The following CAVIN1 variants were observed in gnomAD, a reference collection of about 807,000 sequenced individuals.
The protein encoded by CAVIN1 is caveolae-associated protein 1.
CAVIN1 carries 16 observed loss-of-function variants against 24.0 expected under a neutral mutation model. The observed-to-expected ratio is 0.67, with a 90% CI of 0.45 to 1.01. The LOEUF (loss-of-function observed/expected upper bound fraction) is 1.01, where lower values mean the gene tolerates loss of function less well. Ranked by LOEUF, CAVIN1 falls within the 50% of genes least tolerant of loss-of-function variation. The pLI, the probability that CAVIN1 is intolerant of heterozygous loss-of-function variation, is 0.00. For synonymous variants in CAVIN1, 256 were observed against 256.4 expected, an observed-to-expected ratio of 1.00 and a Z score of 0.02; for missense variants, 510 against 551.7, an observed-to-expected ratio of 0.92 and a Z score of 0.76.
At chr17:42,421,964 G>A (rs942349307) in intron 1 of CAVIN1, among the ~76,000 whole-genome samples, 2 of 152,190 alleles carry the variant, frequency 1.3e-5, no homozygotes, top group African/African-American at 4.8e-5. Context: ...CGCGGGTGAG[G>A]GTGTCCTCAA....
At chr17:42,410,513 A>G (rs922171392) in intron 1 of CAVIN1, among the ~76,000 whole-genome samples, 2 of 152,166 alleles carry the variant, frequency 1.3e-5, no homozygotes, top group African/African-American at 4.8e-5. Flanking sequence ...GGGGACTTAG[A>G]TATCACAATG....
At chr17:42,420,051 A>G (rs1204409310) in intron 1 of CAVIN1, among the ~76,000 whole-genome samples, 2 of 151,670 alleles carry the variant, frequency 1.3e-5, no homozygotes, top group Non-Finnish European at 2.9e-5. Context: ...CCATCCCACA[A>G]CGGGGGCCTT....
intron 1 of CAVIN1, among the ~76,000 whole-genome samples, chr17:42,410,805 G>C (rs985014615): frequency 6.9e-6 from 1 of 145,338 alleles, no homozygotes; most frequent in African/African-American, 2.5e-5. Flanking sequence ...CCAGCTACTC[G>C]GGAGGCTGAA....
rs765853230 is a variant in CAVIN1 at position 42,404,854 on chromosome 17, G to T, written c.1006C>A (p.Leu336Ile). Residue 336 changes from leucine (L) to isoleucine (I), a missense_variant, in exon 2 of 2, where the codon CTC (leucine) becomes ATC (isoleucine). Leu to Ile is a conservative substitution (Grantham distance 5). Transcript: ENST00000357037. ...KKIREGQVEV[L>I]KATEMVEVGA... is the part of the protein sequence containing the mutation. Reference sequence around the variant, plus strand: ...ACCTCCACCATCTCGGTGGCCTTGAGCACTTCCACCTGGCCCTCGCGGATC... The same window carrying T: ...ACCTCCACCATCTCGGTGGCCTTGATCACTTCCACCTGGCCCTCGCGGATC... 1 of 1,613,100 alleles carries T rather than the reference G, an allele frequency of 6.2e-7. No homozygotes were observed. The highest frequency in any genetic ancestry group is 1.1e-5 in the South Asian group (1 of 90,994).
At chr17:42,406,872 A>G (rs978430373) in intron 1 of CAVIN1, among the ~76,000 whole-genome samples, 4 of 152,074 alleles carry the variant, frequency 2.6e-5, no homozygotes, top group African/African-American at 9.7e-5. Flanking sequence ...CAGTCTGGAC[A>G]TTTCTTCTGG....
At chr17:42,406,524 G>A (rs889800139) in intron 1 of CAVIN1, among the ~76,000 whole-genome samples, 2 of 152,016 alleles carry the variant, frequency 1.3e-5, no homozygotes, top group Non-Finnish European at 2.9e-5. Flanking sequence ...GCAGGCATGC[G>A]CCACCACACC....
rs185570905 is a variant in CAVIN1 at position 42,412,203 on chromosome 17, G to A, written c.472-6815C>T. 7.4e-4 allele frequency: 732 copies of A among 985,144 alleles called. 5 individuals are homozygous for A. The African/African-American group carries it at 0.011, about 15-fold the overall frequency. The allele number at this position is 985,144 out of a possible 1,614,324, so 61.0% of individuals were successfully genotyped here. On this transcript the variant is annotated intron_variant, in intron 1 of 1. Coordinates refer to ENST00000357037, the MANE Select transcript of CAVIN1 (RefSeq NM_012232.6). ...CAGTCTCAGGCAGGTCAAAAGGCAC[G>A]ATCTTGGGTGTGGCCAGGTCAGAGG...
intron 1 of CAVIN1, among the ~76,000 whole-genome samples, chr17:42,420,954 CT>C (rs1371629425): frequency 1.3e-5 from 2 of 152,148 alleles, no homozygotes; most frequent in East Asian, 3.9e-4. Context: ...GTCCCCAGTA[CT>C]AAGCAGGTCT....
chr17:42,418,388 C>T (rs1006657768), intron 1 of CAVIN1, among the ~76,000 whole-genome samples: 6 of 152,044 alleles, frequency 3.9e-5, no homozygotes, highest in Admixed American at 1.3e-4. Context: ...TGTGCAACCA[C>T]GCCTGGCTAA....
intron 1 of CAVIN1, among the ~76,000 whole-genome samples, chr17:42,405,682 G>GTTTTTTTTT (rs531661585): frequency 1.0e-4 from 6 of 57,828 alleles, no homozygotes; most frequent in Admixed American, 2.4e-4. Flanking sequence ...CTCTCTCCTT[G>GTTTTTTTTT]TTTTTTTTTT....
At chr17:42,419,662 C>G (rs1007256182) in intron 1 of CAVIN1, among the ~76,000 whole-genome samples, 7 of 152,140 alleles carry the variant, frequency 4.6e-5, no homozygotes, top group African/African-American at 1.4e-4. Flanking sequence ...CTGGCCTGAT[C>G]GTCCTGCAAC....
chr17:42,402,730 C>G lies in CAVIN1; in HGVS notation c.*1957G>C, dbSNP rs988817606. 1 of 152,006 alleles carries G rather than the reference C, an allele frequency of 6.6e-6. No homozygotes were observed. The highest frequency in any genetic ancestry group is 2.4e-5 in the African/African-American group (1 of 41,334). 9.4% of individuals were successfully genotyped at this position (152,006 alleles called of 1,614,324 possible). On this transcript the variant is annotated 3_prime_UTR_variant, in exon 2 of 2. Transcript: ENST00000357037. ...GTTTGTGTCCCCAGGCTCCCTCCCC[C>G]AATCCCTTAAAACAATGAACTGCAG...
chr17:42,413,806 T>A (rs2085495993), intron 1 of CAVIN1, among the ~76,000 whole-genome samples: 1 of 152,056 alleles, frequency 6.6e-6, no homozygotes, highest in Non-Finnish European at 1.5e-5. Context: ...GGGCTAGTTG[T>A]TGGATTATAA....
At chr17:42,412,044 C>G in intron 1 of CAVIN1, 1 of 985,354 alleles carries the variant, frequency 1.0e-6, no homozygotes, top group Non-Finnish European at 1.2e-6. Context: ...CCGGGAGACC[C>G]TAAACACTCC....
chr17:42,411,536 G>C (rs924613407), intron 1 of CAVIN1: 1 of 985,332 alleles, frequency 1.0e-6, no homozygotes, highest in Non-Finnish European at 1.2e-6. Flanking sequence ...GGCAGGATCT[G>C]GCAAACATAA....
intron 1 of CAVIN1, among the ~76,000 whole-genome samples, chr17:42,413,566 GAAAAAAAAAAAAAAAAAAAA>G (rs60085741): frequency 3.5e-5 from 2 of 56,964 alleles, no homozygotes; most frequent in East Asian, 7.0e-4. Flanking sequence ...CTCAAAAAGG[GAAAAAAAAAAAAAAAAAAAA>G]AAAAAAAAAA....
chr17:42,419,991 G>T (rs1169737792), intron 1 of CAVIN1, among the ~76,000 whole-genome samples: 1 of 151,730 alleles, frequency 6.6e-6, no homozygotes, highest in Non-Finnish European at 1.5e-5. Flanking sequence ...GCCATACAAG[G>T]GATTCCCTCC....
chr17:42,417,125 G>GT (rs758812232), intron 1 of CAVIN1, among the ~76,000 whole-genome samples: 2 of 152,136 alleles, frequency 1.3e-5, no homozygotes, highest in Non-Finnish European at 2.9e-5. Context: ...CAACGTTTCA[G>GT]TCAACAGACG....
In CAVIN1 at chr17:42,404,877, ATCT is replaced by A; in HGVS notation, c.980_982del (p.Lys327del). Reference sequence around the variant, plus strand: ...GAGCACTTCCACCTGGCCCTCGCGGATCTTCTTGACGTGGAAGGTGAAGGGTGG... The same window carrying A: ...GAGCACTTCCACCTGGCCCTCGCGGATCTTGACGTGGAAGGTGAAGGGTGG... On this transcript the variant is annotated inframe_deletion, in exon 2 of 2. Coordinates refer to ENST00000357037, the MANE Select transcript of CAVIN1 (RefSeq NM_012232.6). 1 of 1,613,610 alleles carries A rather than the reference ATCT, an allele frequency of 6.2e-7. No homozygotes were observed. The highest frequency in any genetic ancestry group is 8.5e-7 in the Non-Finnish European group (1 of 1,179,806).
Sources: gnomAD v4.1 joint callset for allele counts (sites outside exome capture counted in the v4.1 genomes callset) on GRCh38, gnomAD v4.1.1 for gene constraint, MANE v1.5 for transcripts, NCBI Gene and HGNC (gene_info 2026-07-23, HGNC 2026-07-21) for gene names.